SETDB1: variants seen among roughly 807,000 people sequenced by gnomAD.
SETDB1 encodes the protein histone-lysine N-methyltransferase SETDB1.
A neutral mutation model predicts 137.4 loss-of-function variants in SETDB1; 31 were observed. The ratio of observed to expected loss-of-function variants is 0.23; its 90% CI spans 0.17 to 0.30. The LOEUF (loss-of-function observed/expected upper bound fraction) is 0.30. Ranked by LOEUF, SETDB1 falls within the 10% of genes least tolerant of loss-of-function variation. The pLI is 1.00. For synonymous variants in SETDB1, 548 were observed against 579.9 expected (o/e 0.95, Z 0.79); for missense variants, 1,113 against 1,631.5 (o/e 0.68, Z 5.47).
At chr1:150,934,334 G>A (rs770005807) in intron 3 of SETDB1, among the ~76,000 whole-genome samples, 7 of 151,980 alleles carry the variant, frequency 4.6e-5, no homozygotes, top group Admixed American at 1.3e-4. Context: ...TTAGCTGGGC[G>A]TAGTGGCGGG....
At chr1:150,937,227 T>C (rs1669974180) in intron 3 of SETDB1, among the ~76,000 whole-genome samples, 1 of 150,078 alleles carries the variant, frequency 6.7e-6, no homozygotes, top group African/African-American at 2.4e-5. Context: ...TAGGTGAACG[T>C]TGAGGACATT....
chr1:150,947,033 G>T (rs773454895), intron 10 of SETDB1, 21 bp downstream of exon 10: 25 of 1,612,916 alleles, frequency 1.5e-5, no homozygotes. Context: ...AAAGATTCCT[G>T]GAGGAAGGAA....
Position 150,964,331 on chromosome 1 carries a change from T to C in SETDB1, c.3846T>C (p.Cys1282=). 6.2e-7 allele frequency: 1 copy of C among 1,614,046 alleles called. No individual in the cohort carries two copies. Among genetic ancestry groups the C allele is most frequent in the Non-Finnish European group, 8.5e-7 (1 of 1,179,886 alleles). Residue 1282 remains cysteine, a synonymous_variant, in exon 22 of 22, where the codon TGT becomes TGC. Transcript: ENST00000692827. Reference sequence around the variant, plus strand: ...AAGGCAAGGAGCTACTCTGTTGCTGTGGGGCCATTGAATGCAGAGGACGTC... The same window carrying C: ...AAGGCAAGGAGCTACTCTGTTGCTGCGGGGCCATTGAATGCAGAGGACGTC... ...SVEGKELLCC[C]GAIECRGRLL
intron 3 of SETDB1, among the ~76,000 whole-genome samples, chr1:150,936,647 G>GTATATAT: frequency 6.6e-6 from 1 of 152,234 alleles, no homozygotes; most frequent in African/African-American, 2.4e-5. Flanking sequence ...TATACTGTAA[G>GTATATAT]AGAGTCACTA....
chr1:150,932,495 T>G (rs1429320803), intron 3 of SETDB1, among the ~76,000 whole-genome samples: 1 of 152,124 alleles, frequency 6.6e-6, no homozygotes, highest in Admixed American at 6.6e-5. Flanking sequence ...AATTTTAGAT[T>G]TATAGAAAAA....
chr1:150,962,503 C>T, intron 17 of SETDB1, 84 bp from the exon 18 acceptor site: 1 of 1,404,364 alleles, frequency 7.1e-7, no homozygotes, highest in South Asian at 1.2e-5. Flanking sequence ...GACCTGTCTC[C>T]AAATCTGCCT....
intron 16 of SETDB1, 200 bp from the exon 17 acceptor site, chr1:150,961,930 A>G: frequency 4.5e-6 from 3 of 669,930 alleles, no homozygotes; most frequent in Non-Finnish European, 8.1e-6. Context: ...ATTAAGCCCC[A>G]TCACTGAGAA....
Position 150,960,712 on chromosome 1 carries a change from G to C in SETDB1, c.2653G>C (p.Asp885His). The change falls in exon 16 of 22, where the codon GAC (aspartate) becomes CAC (histidine). Residue 885 changes from aspartate to histidine, a missense_variant. By Grantham distance (81) the Asp-to-His change is moderately conservative (BLOSUM62 -1). Coordinates refer to ENST00000692827, the MANE Select transcript of SETDB1 (RefSeq NM_001366418.1). ...APCSSDSSGV[D>H]LKDQEDGNSG... ...CTGTTCCTCTGACAGCAGTGGTGTA[G>C]ACTTGAAGGACCAGGAAGATGGCAA... The C allele has an allele frequency of 6.2e-7, 1 of 1,611,554 alleles. No individual in the cohort carries two copies. The highest frequency in any genetic ancestry group is 8.5e-7 in the Non-Finnish European group (1 of 1,178,890).
In SETDB1 at chr1:150,944,008, C is replaced by T. The variant is rs761461451; in HGVS notation, c.949+15C>T. ...TTGCCGGCCACGTGAGTGTTTCTCCCTTATTCCTTAGCTCAGTTTTCTCCT... is the reference window on the plus strand; with the variant it reads ...TTGCCGGCCACGTGAGTGTTTCTCCTTTATTCCTTAGCTCAGTTTTCTCCT... On this transcript the variant is annotated intron_variant, in intron 8 of 21. Coordinates refer to ENST00000692827, the MANE Select transcript of SETDB1 (RefSeq NM_001366418.1). The T allele has an allele frequency of 1.9e-6, 3 of 1,567,702 alleles. No homozygotes were observed. The highest frequency in any genetic ancestry group is 1.7e-5 in the Admixed American group (1 of 59,900).
chr1:150,929,764 A>C (rs1441845401), intron 2 of SETDB1, among the ~76,000 whole-genome samples: 2 of 152,148 alleles, frequency 1.3e-5, no homozygotes, highest in Non-Finnish European at 2.9e-5. Context: ...TGGATTTTTG[A>C]GGAACTAGTC....
chr1:150,961,143 A>G lies in SETDB1; in HGVS notation c.3084A>G (p.Ser1028=). The change falls in exon 16 of 22, where the codon TCA becomes TCG. Residue 1028 remains serine (S), a synonymous_variant. Transcript: ENST00000692827. ...SRMEAEKAST[S]GLGIKDEGDI... is the part of the protein sequence containing the mutation. ...TGGAGGCTGAGAAGGCCTCCACCTC[A>G]GGACTAGGCATCAAGGATGAGGGAG... 1.2e-6 allele frequency: 2 copies of G among 1,614,094 alleles called. No individual in the cohort carries two copies. Among genetic ancestry groups the G allele is most frequent in the Non-Finnish European group, 1.7e-6 (2 of 1,180,028 alleles).
chr1:150,950,600 C>A lies in SETDB1; in HGVS notation c.1726C>A (p.Pro576Thr). Residue 576 changes from proline (P) to threonine (T), a missense_variant, in exon 13 of 22, where the codon CCT becomes ACT. By Grantham distance (38) the Pro-to-Thr change is conservative (BLOSUM62 -1). Around this residue, in one of 11 missense-constraint regions of SETDB1, gnomAD observed 192 missense variants for 198.1 expected, o/e 0.97. Transcript: ENST00000692827. ...RAPMEKLFYL[P>T]HVCSYTCLSR... Reference sequence around the variant, plus strand: ...TCCCATGGAGAAGCTTTTCTACTTACCTCATGTCTGCAGCTATACCTGTCT... The same window carrying A: ...TCCCATGGAGAAGCTTTTCTACTTAACTCATGTCTGCAGCTATACCTGTCT... The A allele has an allele frequency of 6.2e-7, 1 of 1,614,172 alleles. No homozygotes were observed. Among genetic ancestry groups the A allele is most frequent in the Non-Finnish European group, 8.5e-7 (1 of 1,180,042 alleles).
At chr1:150,934,185 C>A (rs1258209983) in intron 3 of SETDB1, among the ~76,000 whole-genome samples, 1 of 151,958 alleles carries the variant, frequency 6.6e-6, no homozygotes. Flanking sequence ...AAAATACAGC[C>A]ATTTTGGCTG....
At position 150,949,112 on chromosome 1, in the gene SETDB1, T is replaced by A. The variant is rs1181389618; in HGVS notation, c.1268-10T>A. Reference sequence around the variant, plus strand: ...CATCTTCTCAGTGCTCAATTTCCTTTTTCCTATAGGTGCTGTGAGGAGCAA... The same window carrying A: ...CATCTTCTCAGTGCTCAATTTCCTTATTCCTATAGGTGCTGTGAGGAGCAA... On this transcript the variant is annotated splice_polypyrimidine_tract_variant and intron_variant, in intron 10 of 21. Coordinates refer to ENST00000692827, the MANE Select transcript of SETDB1 (RefSeq NM_001366418.1). 6.2e-7 allele frequency: 1 copy of A among 1,608,946 alleles called. No individual in the cohort carries two copies.
At chr1:150,946,001 C>CTGTTTTGTTTTGTTT (rs3034037) in intron 9 of SETDB1, among the ~76,000 whole-genome samples, 13 of 149,364 alleles carry the variant, frequency 8.7e-5, no homozygotes, top group African/African-American at 2.7e-4. Context: ...CACGCCTGGC[C>CTGTTTTGTTTTGTTT]TGTTTTGTTT....
Position 150,943,033 on chromosome 1 carries a change from A to G in SETDB1, c.855A>G (p.Pro285=). 6.2e-7 allele frequency: 1 copy of G among 1,614,012 alleles called. No individual in the cohort carries two copies. The highest frequency in any genetic ancestry group is 8.5e-7 in the Non-Finnish European group (1 of 1,179,880). The change falls in exon 7 of 22, where the codon CCA becomes CCG. Residue 285 remains proline, a synonymous_variant. Transcript: ENST00000692827. The part of the protein sequence containing the change: ...WLYAGIVAET[P]NVKNKLRFLI... ...ATGCTGGCATTGTAGCTGAGACACC[A>G]AACGTCAAAAACAAGCTCAGGTACC... is the stretch of plus-strand genomic sequence containing the variant.
In SETDB1 at chr1:150,949,239, C is replaced by T. The variant is rs1571648038; in HGVS notation, c.1385C>T (p.Pro462Leu). ...QPTAPPAPPF[P>L]PAPPLSPQAG... is the part of the protein sequence containing the mutation. ...ACAGCTCCACCTGCCCCACCTTTCC[C>T]ACCTGCTCCACCTCTATCCCCCCAA... The change falls in exon 11 of 22, where the codon CCA (proline) becomes CTA (leucine). Residue 462 changes from proline (P) to leucine (L), a missense_variant. Coordinates refer to ENST00000692827, the MANE Select transcript of SETDB1 (RefSeq NM_001366418.1). 1 of 1,614,118 alleles carries T rather than the reference C, an allele frequency of 6.2e-7. No homozygotes were observed. Among genetic ancestry groups the T allele is most frequent in the East Asian group, 2.2e-5 (1 of 44,878 alleles).
chr1:150,963,488 T>G, intron 19 of SETDB1, 42 bp from the exon 20 acceptor site: 2 of 1,468,536 alleles, frequency 1.4e-6, no homozygotes, highest in African/African-American at 1.4e-5. Context: ...TGTCTGTTCA[T>G]GAGTTGGGAT....
At chr1:150,931,236 G>T (rs1231850694) in intron 3 of SETDB1, among the ~76,000 whole-genome samples, 1 of 132,038 alleles carries the variant, frequency 7.6e-6, no homozygotes, top group Non-Finnish European at 1.6e-5. Flanking sequence ...CTCCAGCCTG[G>T]GTGACAAAGC....
Sources: allele counts gnomAD v4.1 joint callset (sites outside exome capture counted in the v4.1 genomes callset), GRCh38; gene constraint gnomAD v4.1.1; regional missense constraint gnomAD v4.1.1; transcripts MANE v1.5; gene names NCBI Gene and HGNC (gene_info 2026-07-23, HGNC 2026-07-21).